VWA3B: variants seen among roughly 807,000 people sequenced by gnomAD.
VWA3B encodes the protein von Willebrand factor A domain-containing protein 3B.
A neutral mutation model predicts 158.3 loss-of-function variants in VWA3B; 138 were observed. The observed-to-expected ratio is 0.87, with a 90% CI of 0.76 to 1.00. VWA3B has a LOEUF of 1.00. Among genes scored for constraint, VWA3B ranks in the 50% least tolerant of loss-of-function variants. The pLI, the probability that VWA3B is intolerant of heterozygous loss-of-function variation, is 0.00. For synonymous variants in VWA3B, 596 were observed against 587.3 expected, an observed-to-expected ratio of 1.01 and a Z score of -0.21; for missense variants, 1,555 against 1,565.1, an observed-to-expected ratio of 0.99 and a Z score of 0.11.
rs1017204519 is a variant in VWA3B at position 98,207,259 on chromosome 2, A to G, written c.1738-4671A>G. On this transcript the variant is annotated intron_variant, in intron 12 of 27. Transcript: ENST00000477737. ...TGCTGATGACTCGACTGCCTCTGCT[A>G]CTTCCTTTGCTCATTTGGATGCCAC... is the stretch of plus-strand genomic sequence containing the variant. The G allele has an allele frequency of 5.7e-5, 29 of 509,002 alleles. No individual in the cohort carries two copies. In the Admixed American group the frequency reaches 6.1e-4, roughly 11 times the overall value. 31.5% of individuals were successfully genotyped at this position (509,002 alleles called of 1,614,324 possible).
chr2:98,212,249 G>C (rs1683591189), intron 13 of VWA3B: 2 of 449,904 alleles, frequency 4.4e-6, no homozygotes, highest in Non-Finnish European at 8.0e-6. Flanking sequence ...TGCCTGGTGA[G>C]TGTGACACAC....
Position 98,135,323 on chromosome 2 carries a change from TTC to T in VWA3B, c.988+1386_988+1387del, listed in dbSNP as rs1290012686. ...ATGCAAATTACATACAAAAACATTTTTCTTTTTTTTTTTTTTTTTTTTTTTTT... is the reference window on the plus strand; with the variant it reads ...ATGCAAATTACATACAAAAACATTTTTTTTTTTTTTTTTTTTTTTTTTTTT... On this transcript the variant is annotated intron_variant, in intron 7 of 27. Transcript: ENST00000477737. Among the ~76,000 whole-genome samples, 301 of 123,720 alleles carry T rather than the reference TTC, an allele frequency of 2.4e-3. 1 individual carries two copies. The highest frequency in any genetic ancestry group is 3.6e-3 in the Non-Finnish European group (211 of 57,918). The allele number at this position is 123,720 out of a possible 152,430, so 81.2% of individuals were successfully genotyped here. A position where few individuals can be genotyped will look rare whatever the true frequency, so the allele number is the denominator to read the frequency against.
At chr2:98,232,975 C>G (rs1453674091) in intron 16 of VWA3B, among the ~76,000 whole-genome samples, 2 of 152,106 alleles carry the variant, frequency 1.3e-5, no homozygotes, top group Non-Finnish European at 2.9e-5. Context: ...AAGAGGCGTC[C>G]CGGAAAGGGC....
chr2:98,196,207 A>G (rs1364751649), intron 12 of VWA3B, among the ~76,000 whole-genome samples: 1 of 152,160 alleles, frequency 6.6e-6, no homozygotes, highest in African/African-American at 2.4e-5. Flanking sequence ...ATTGTACAAC[A>G]TGGTAACTAT....
At chr2:98,144,436 G>T (rs1056557903) in intron 7 of VWA3B, among the ~76,000 whole-genome samples, 1 of 150,750 alleles carries the variant, frequency 6.6e-6, no homozygotes, top group African/African-American at 2.4e-5. Flanking sequence ...TTCCCAATTC[G>T]AGTCCATTCC....
At chr2:98,147,892 T>A (rs576069581) in intron 7 of VWA3B, among the ~76,000 whole-genome samples, 3 of 131,320 alleles carry the variant, frequency 2.3e-5, no homozygotes, top group Admixed American at 8.6e-5. Flanking sequence ...GATGTTCCCC[T>A]TCCTGTGTCC....
chr2:98,325,686 C>G, the VWA3B span, among the ~76,000 whole-genome samples: 7 of 152,086 alleles, frequency 4.6e-5, no homozygotes, highest in African/African-American at 1.7e-4. Flanking sequence ...ATACACATGG[C>G]GACATGGCAA....
At chr2:98,220,853 A>T (rs951440238) in intron 14 of VWA3B, among the ~76,000 whole-genome samples, 2 of 152,196 alleles carry the variant, frequency 1.3e-5, no homozygotes, top group African/African-American at 2.4e-5. Flanking sequence ...CATCATCCTC[A>T]GCAAACTAAT....
intron 12 of VWA3B, among the ~76,000 whole-genome samples, chr2:98,196,461 T>C (rs751359816): frequency 6.6e-6 from 1 of 152,228 alleles, no homozygotes; most frequent in Non-Finnish European, 1.5e-5. Flanking sequence ...TTTCGGCTGA[T>C]TTGGTCCAGT....
At chr2:98,277,204 T>A (rs1303059045) in intron 22 of VWA3B, among the ~76,000 whole-genome samples, 1 of 152,158 alleles carries the variant, frequency 6.6e-6, no homozygotes, top group Non-Finnish European at 1.5e-5. Flanking sequence ...ACTGACTACA[T>A]AATGACAGGA....
chr2:98,156,095 G>A (rs776003871), intron 7 of VWA3B, among the ~76,000 whole-genome samples: 4 of 152,158 alleles, frequency 2.6e-5, no homozygotes, highest in Non-Finnish European at 4.4e-5. Flanking sequence ...TCTGCCACAG[G>A]TTCTGAGGAC....
intron 8 of VWA3B, among the ~76,000 whole-genome samples, chr2:98,169,178 G>A (rs754711728): frequency 2.0e-5 from 3 of 152,212 alleles, no homozygotes; most frequent in Non-Finnish European, 2.9e-5. Context: ...CGGTGGGGCA[G>A]CATTTTTTCT....
chr2:98,322,197 T>A, the VWA3B span, among the ~76,000 whole-genome samples: 2 of 152,162 alleles, frequency 1.3e-5, no homozygotes, highest in African/African-American at 2.4e-5. Context: ...TACCTCTATT[T>A]AAAGGCACAA....
intron 22 of VWA3B, among the ~76,000 whole-genome samples, chr2:98,272,060 G>A (rs558170277): frequency 1.3e-5 from 2 of 152,310 alleles, no homozygotes; most frequent in Admixed American, 6.5e-5. Flanking sequence ...CATACCAAGC[G>A]GCAGACACCG....
intron 7 of VWA3B, among the ~76,000 whole-genome samples, chr2:98,144,841 C>T (rs1440779246): frequency 6.6e-6 from 1 of 152,130 alleles, no homozygotes; most frequent in African/African-American, 2.4e-5. Flanking sequence ...GCTGGGATTA[C>T]AGGCATGAGC....
At chr2:98,185,248 T>C (rs543277574) in intron 9 of VWA3B, among the ~76,000 whole-genome samples, 54 of 152,272 alleles carry the variant, frequency 3.5e-4, no homozygotes, top group African/African-American at 1.2e-3. Context: ...TCCACCAGGA[T>C]ATAAAAGTTA....
At chr2:98,147,447 C>T (rs1285948504) in intron 7 of VWA3B, among the ~76,000 whole-genome samples, 2 of 152,074 alleles carry the variant, frequency 1.3e-5, no homozygotes, top group Non-Finnish European at 2.9e-5. Context: ...TCACTATATA[C>T]TTAAAAATAA....
intron 7 of VWA3B, 25 bp from the exon 8 acceptor site, chr2:98,162,826 G>A (rs539065576): frequency 5.0e-6 from 8 of 1,611,944 alleles, no homozygotes; most frequent in African/African-American, 2.7e-5. Flanking sequence ...TCAGCCGGCC[G>A]CTCATGCTGT....
rs1674945648 is a variant in VWA3B, at chr2:98,121,357, A to G, written c.601A>G (p.Ile201Val). 1 of 1,614,126 alleles carries G rather than the reference A, an allele frequency of 6.2e-7. No homozygotes were observed. Among genetic ancestry groups the G allele is most frequent in the African/African-American group, 1.3e-5 (1 of 74,940 alleles). The change falls in exon 5 of 28, where the codon ATA (isoleucine) becomes GTA (valine). Residue 201 changes from isoleucine (I) to valine (V), a missense_variant. By Grantham distance (29) the Ile-to-Val change is conservative. Transcript: ENST00000477737. ...ENATPVTEQS[I>V]ATAISWVEKL... ...TGCTACTCCTGTGACCGAACAGTCCATAGCTACTGCCATCAGTTGGGTTGA... is the reference window on the plus strand; with the variant it reads ...TGCTACTCCTGTGACCGAACAGTCCGTAGCTACTGCCATCAGTTGGGTTGA...
Sources: gnomAD v4.1 joint callset for allele counts (sites outside exome capture counted in the v4.1 genomes callset) on GRCh38, gnomAD v4.1.1 for gene constraint, MANE v1.5 for transcripts, NCBI Gene and HGNC (gene_info 2026-07-23, HGNC 2026-07-21) for gene names.